TGFBR3: variants seen among roughly 807,000 people sequenced by gnomAD.
The protein encoded by TGFBR3 is transforming growth factor beta receptor type 3.
A neutral mutation model predicts 87.9 loss-of-function variants in TGFBR3; 46 were observed. That is an observed-to-expected ratio of 0.52 (90% confidence interval 0.41 to 0.67). The LOEUF (loss-of-function observed/expected upper bound fraction) is 0.67, where lower values mean the gene tolerates loss of function less well. TGFBR3 is among the 30% of genes least tolerant of loss of function. The pLI, the probability that TGFBR3 is intolerant of heterozygous loss-of-function variation, is 0.00. For synonymous variants in TGFBR3, 381 were observed against 391.6 expected, an observed-to-expected ratio of 0.97 and a Z score of 0.32; for missense variants, 866 against 1,041.9, an observed-to-expected ratio of 0.83 and a Z score of 2.32.
chr1:91,796,884 T>C (rs1675403988), intron 3 of TGFBR3, among the ~76,000 whole-genome samples: 1 of 141,640 alleles, frequency 7.1e-6, no homozygotes, highest in Non-Finnish European at 1.6e-5. Context: ...ACCCTGCTAA[T>C]TTTTTTTTTT....
chr1:91,720,276 C>T, intron 8 of TGFBR3, 46 bp from the exon 9 acceptor site: 1 of 1,511,744 alleles, frequency 6.6e-7, no homozygotes, highest in East Asian at 2.4e-5. Context: ...TGATGCCAGG[C>T]CACAACCAAC....
At chr1:91,802,919 C>T (rs960494132) in intron 2 of TGFBR3, among the ~76,000 whole-genome samples, 1 of 152,142 alleles carries the variant, frequency 6.6e-6, no homozygotes, top group African/African-American at 2.4e-5. Flanking sequence ...CCACTCAACT[C>T]TGACCCCTCC....
chr1:91,680,416 C>G lies in TGFBR3; in HGVS notation c.*3323G>C, dbSNP rs1052292511. 6 of 453,838 alleles carry G rather than the reference C, an allele frequency of 1.3e-5. No homozygotes were observed. The highest frequency in any genetic ancestry group is 1.0e-4 in the African/African-American group (5 of 49,954). The allele number at this position is 453,838 out of a possible 1,614,324, so 28.1% of individuals were successfully genotyped here. ...AACTGTGGTTATCAAAACTATACAT[C>G]TAAGCATCTTCACAAAATAGCTGAC... is the stretch of plus-strand genomic sequence containing the variant. On this transcript the variant is annotated 3_prime_UTR_variant, in exon 17 of 17. Coordinates refer to ENST00000212355, the MANE Select transcript of TGFBR3 (RefSeq NM_003243.5).
At chr1:91,802,843 C>A (rs1675686993) in intron 2 of TGFBR3, among the ~76,000 whole-genome samples, 1 of 152,082 alleles carries the variant, frequency 6.6e-6, no homozygotes, top group Non-Finnish European at 1.5e-5. Flanking sequence ...ACACCTGGCA[C>A]CAACCTGGGG....
intron 16 of TGFBR3, among the ~76,000 whole-genome samples, chr1:91,691,679 G>A (rs902853847): frequency 1.4e-4 from 21 of 152,342 alleles, no homozygotes; most frequent in African/African-American, 5.1e-4. Context: ...TGAAGGGAAT[G>A]CACAGAATGG....
chr1:91,886,550 G>C (rs1240564574), upstream of TGFBR3, among the ~76,000 whole-genome samples: 5 of 152,292 alleles, frequency 3.3e-5, no homozygotes, highest in South Asian at 2.1e-4. Flanking sequence ...ACTTTCCAGG[G>C]CTCCCTGGAA....
Position 91,722,163 on chromosome 1 carries a change from A to T in TGFBR3, c.886-19T>A. On this transcript the variant is annotated intron_variant, in intron 7 of 16. Coordinates refer to ENST00000212355, the MANE Select transcript of TGFBR3 (RefSeq NM_003243.5). ...TAGGAGCCTGAAGATATAGCAAAAA[A>T]ATCACTCATGAGTCTAAAATTAAAC... 3 of 1,609,712 alleles carry T rather than the reference A, an allele frequency of 1.9e-6. 1 individual carries two copies. The highest frequency in any genetic ancestry group is 2.2e-5 in the East Asian group (1 of 44,764).
intron 2 of TGFBR3, among the ~76,000 whole-genome samples, chr1:91,808,793 C>T (rs908066468): frequency 2.0e-5 from 3 of 152,128 alleles, no homozygotes; most frequent in Admixed American, 6.5e-5. Context: ...TAATATGGTG[C>T]ACCTGTCCCT....
intron 2 of TGFBR3, among the ~76,000 whole-genome samples, chr1:91,838,273 A>G (rs1276280812): frequency 6.6e-6 from 1 of 152,238 alleles, no homozygotes; most frequent in Non-Finnish European, 1.5e-5. Context: ...TTTTGTTAAT[A>G]TAAGTCTATT....
At chr1:91,856,212 G>C (rs978907004) in intron 2 of TGFBR3, among the ~76,000 whole-genome samples, 1 of 152,118 alleles carries the variant, frequency 6.6e-6, no homozygotes, top group African/African-American at 2.4e-5. Flanking sequence ...ACAGGCGTCC[G>C]CCACCGCGCG....
chr1:91,763,781 A>C (rs965731620), intron 3 of TGFBR3, among the ~76,000 whole-genome samples: 6 of 152,094 alleles, frequency 3.9e-5, no homozygotes, highest in Non-Finnish European at 7.4e-5. Flanking sequence ...CTCAAACCTG[A>C]CCCCAGATGG....
chr1:91,834,526 C>T (rs998338162), intron 2 of TGFBR3, among the ~76,000 whole-genome samples: 2 of 152,112 alleles, frequency 1.3e-5, no homozygotes, highest in African/African-American at 4.8e-5. Flanking sequence ...ATTTGAATAC[C>T]GAACACCTAC....
intron 3 of TGFBR3, among the ~76,000 whole-genome samples, chr1:91,793,908 A>T (rs1009774616): frequency 1.3e-5 from 2 of 152,128 alleles, no homozygotes; most frequent in African/African-American, 4.8e-5. Flanking sequence ...TTTTTAGCAT[A>T]GACCATATCA....
intron 3 of TGFBR3, among the ~76,000 whole-genome samples, chr1:91,788,696 G>A (rs1212342559): frequency 2.0e-5 from 3 of 152,194 alleles, no homozygotes; most frequent in Non-Finnish European, 2.9e-5. Flanking sequence ...CGCTGCACAC[G>A]CATGCACTGG....
chr1:91,833,805 T>C (rs1216935443), intron 2 of TGFBR3, among the ~76,000 whole-genome samples: 4 of 150,192 alleles, frequency 2.7e-5, no homozygotes, highest in African/African-American at 9.8e-5. Context: ...AAGAAAACCC[T>C]GAATCAAGAT....
intron 2 of TGFBR3, among the ~76,000 whole-genome samples, chr1:91,830,628 C>A (rs1227152973): frequency 1.3e-5 from 2 of 152,106 alleles, no homozygotes; most frequent in Non-Finnish European, 2.9e-5. Context: ...AGTCTGCCCC[C>A]TGAGGAGAAA....
chr1:91,772,149 T>A (rs1032775980), intron 3 of TGFBR3, among the ~76,000 whole-genome samples: 3 of 152,166 alleles, frequency 2.0e-5, no homozygotes, highest in African/African-American at 7.2e-5. Context: ...TGAAAGACGA[T>A]CATTTGCTTT....
rs927396108 is a variant in TGFBR3, at chr1:91,844,604, A to G, written c.61+16867T>C. Among the ~76,000 whole-genome samples, 4 of 152,246 alleles carry G rather than the reference A, an allele frequency of 2.6e-5. No individual in the cohort carries two copies. The South Asian group carries it at 8.3e-4, about 31-fold the overall frequency. Reference sequence around the variant, plus strand: ...CTCTTTCTCCCTTTGAAATATTTTTAAATGCAAATAACCATACTTATTTTA... The same window carrying G: ...CTCTTTCTCCCTTTGAAATATTTTTGAATGCAAATAACCATACTTATTTTA... On this transcript the variant is annotated intron_variant, in intron 2 of 16. Transcript: ENST00000212355.
chr1:91,794,615 T>C (rs1675308590), intron 3 of TGFBR3, among the ~76,000 whole-genome samples: 1 of 152,242 alleles, frequency 6.6e-6, no homozygotes, highest in African/African-American at 2.4e-5. Flanking sequence ...TTCTGTATCC[T>C]GAACATTTCA....
Sources: gnomAD v4.1 joint callset for allele counts (sites outside exome capture counted in the v4.1 genomes callset) on GRCh38, gnomAD v4.1.1 for gene constraint, MANE v1.5 for transcripts, NCBI Gene and HGNC (gene_info 2026-07-23, HGNC 2026-07-21) for gene names.